DHRS7: variants seen among roughly 807,000 people sequenced by gnomAD.
DHRS7 encodes the protein dehydrogenase/reductase 7.
DHRS7 carries 34 observed loss-of-function variants against 38.9 expected under a neutral mutation model. The observed-to-expected ratio is 0.87, with a 90% CI of 0.66 to 1.16. The LOEUF (loss-of-function observed/expected upper bound fraction) is 1.16, where lower values mean the gene tolerates loss of function less well. DHRS7 is among the 50% of genes most tolerant of loss of function. The pLI is 0.00. For missense variants in DHRS7, 421 were observed against 407.0 expected (o/e 1.03, Z -0.30); for synonymous variants, 158 against 153.1 (o/e 1.03, Z -0.24).
intron 1 of DHRS7, among the ~76,000 whole-genome samples, chr14:60,160,423 A>T (rs1420748427): frequency 6.6e-6 from 1 of 151,692 alleles, no homozygotes; most frequent in African/African-American, 2.4e-5. Flanking sequence ...TTTAAAATAG[A>T]AAAGCTTAAG....
chr14:60,155,604 A>G (rs772594455), intron 2 of DHRS7, among the ~76,000 whole-genome samples: 2 of 152,210 alleles, frequency 1.3e-5, no homozygotes, highest in Non-Finnish European at 2.9e-5. Context: ...CTTATCCCAT[A>G]TGATTTTAAT....
At chr14:60,156,193 G>T in intron 1 of DHRS7, 41 bp from the exon 2 acceptor site, 1 of 1,428,756 alleles carries the variant, frequency 7.0e-7, no homozygotes. Flanking sequence ...AATAAGCAAT[G>T]AATTACGCTC....
chr14:60,167,478 G>A (rs149937461), upstream of DHRS7, among the ~76,000 whole-genome samples: 9 of 152,202 alleles, frequency 5.9e-5, no homozygotes, highest in Non-Finnish European at 1.3e-4. Context: ...TTTAGTAATG[G>A]TCACTTTTGA....
rs1896785514 is a variant in DHRS7, at chr14:60,162,617, A to G, written c.133+2560T>C. Among the ~76,000 whole-genome samples, 1 of 152,160 alleles carries G rather than the reference A, an allele frequency of 6.6e-6. No individual in the cohort carries two copies. The highest frequency in any genetic ancestry group is 2.4e-5 in the African/African-American group (1 of 41,452). On this transcript the variant is annotated intron_variant, in intron 1 of 6. Coordinates refer to ENST00000557185, the MANE Select transcript of DHRS7 (RefSeq NM_016029.4). This position sits in a 1 kb window ranked among gnomAD's most constrained non-coding sequence, Gnocchi z 4.5. ...ACAAAAAATAATAAACCTACAGAGA[A>G]GTCAAGAAGGATTTTTTTTTCTTTT...
Position 60,149,570 on chromosome 14 carries a change from T to C in DHRS7, c.757-2A>G. On this transcript the variant is annotated splice_acceptor_variant, in intron 5 of 6. Coordinates refer to ENST00000557185, the MANE Select transcript of DHRS7 (RefSeq NM_016029.4). LOFTEE classifies it high-confidence loss of function. ...CTGGTCTCCATTATTGCCTATAGTC[T>C]AAGAAAAGTTAAAAATTAAGTGAAT... 1 of 1,582,096 alleles carries C rather than the reference T, an allele frequency of 6.3e-7. No individual in the cohort carries two copies. Among genetic ancestry groups the C allele is most frequent in the South Asian group, 1.2e-5 (1 of 86,362 alleles).
intron 5 of DHRS7, 67 bp downstream of exon 5, chr14:60,149,998 A>G: frequency 6.6e-7 from 1 of 1,509,020 alleles, no homozygotes. Flanking sequence ...CAGTGATACA[A>G]CACCAATATA....
Position 60,161,955 on chromosome 14 carries a change from T to C in DHRS7, c.133+3222A>G, listed in dbSNP as rs1896772219. 6.6e-6 allele frequency among the ~76,000 whole-genome samples: 1 copy of C among 152,260 alleles called. No homozygotes were observed. The highest frequency in any genetic ancestry group is 1.5e-5 in the Non-Finnish European group (1 of 68,036). On this transcript the variant is annotated intron_variant, in intron 1 of 6. Coordinates refer to ENST00000557185, the MANE Select transcript of DHRS7 (RefSeq NM_016029.4). The surrounding 1 kb of genome is among the most constrained non-coding windows in gnomAD (Gnocchi z 4.2). ...CAGCCACTTCACAGTTGACTCCTAT[T>C]GAGGTTACTGTTAACAAAAACCTGA...
Position 60,153,860 on chromosome 14 carries a change from C to T in DHRS7, c.393+99G>A, listed in dbSNP as rs1595194991. On this transcript the variant is annotated intron_variant, in intron 3 of 6. Coordinates refer to ENST00000557185, the MANE Select transcript of DHRS7 (RefSeq NM_016029.4). This position sits in a 1 kb window ranked among gnomAD's most constrained non-coding sequence, Gnocchi z 4.4. ...ATGGGCCCGATCTCACTGCATGGAC[C>T]CCACTTGCCTAAAGCCCTTTGTATG... 2 of 1,002,530 alleles carry T rather than the reference C, an allele frequency of 2.0e-6. No homozygotes were observed. The highest frequency in any genetic ancestry group is 2.4e-5 in the East Asian group (1 of 40,914). 62.1% of individuals were successfully genotyped at this position (1,002,530 alleles called of 1,614,324 possible).
In DHRS7 at chr14:60,153,702, C is replaced by CATAAATAA. The variant is rs61442682; in HGVS notation, c.393+249_393+256dup. On this transcript the variant is annotated intron_variant, in intron 3 of 6. Coordinates refer to ENST00000557185, the MANE Select transcript of DHRS7 (RefSeq NM_016029.4). This position sits in a 1 kb window ranked among gnomAD's most constrained non-coding sequence, Gnocchi z 4.4. ...CAGAGCAAGACTTTGTCTCAAAATA[C>CATAAATAA]ATAAATAAATAAATAAAAGCAGCCG... is the stretch of plus-strand genomic sequence containing the variant. Among the ~76,000 whole-genome samples the CATAAATAA allele has an allele frequency of 0.26, 39,240 of 151,420 alleles. 6,702 individuals carry two copies. Among genetic ancestry groups the CATAAATAA allele is most frequent in the African/African-American group, 0.48 (19,675 of 41,032 alleles).
intron 2 of DHRS7, among the ~76,000 whole-genome samples, chr14:60,155,387 T>C (rs1389940451): frequency 2.0e-5 from 3 of 152,086 alleles, no homozygotes; most frequent in Non-Finnish European, 4.4e-5. Flanking sequence ...AGGCGGAAGT[T>C]GCAATGAGCC....
At position 60,153,142 on chromosome 14, in the gene DHRS7, G is replaced by A. The variant is rs776680689; in HGVS notation, c.430C>T (p.Arg144Cys). 9 of 1,613,938 alleles carry A rather than the reference G, an allele frequency of 5.6e-6. No homozygotes were observed. In the East Asian group the frequency reaches 8.9e-5, roughly 16 times the overall value. Residue 144 changes from arginine to cysteine, a missense_variant, in exon 4 of 7, where the codon CGT (arginine) becomes TGT (cysteine). Coordinates refer to ENST00000557185, the MANE Select transcript of DHRS7 (RefSeq NM_016029.4). The surrounding 1 kb of genome is among the most constrained non-coding windows in gnomAD (Gnocchi z 4.4). ...AAGCTGGTATCCATGCACAGAGAAC[G>A]CTGGGACATTCCACCATTGTTGACC... is the stretch of plus-strand genomic sequence containing the variant. ...ILVNNGGMSQ[R>C]SLCMDTSLDV...
At chr14:60,156,242 C>T in intron 1 of DHRS7, 90 bp from the exon 2 acceptor site, 1 of 1,141,578 alleles carries the variant, frequency 8.8e-7, no homozygotes. Context: ...AAGCCTTAAA[C>T]AATACCACTA....
Position 60,144,962 on chromosome 14 carries a change from C to T in DHRS7, c.*4G>A, listed in dbSNP as rs1566527561. The T allele has an allele frequency of 6.2e-7, 1 of 1,604,842 alleles. No individual in the cohort carries two copies. The highest frequency in any genetic ancestry group is 1.4e-5 in the African/African-American group (1 of 73,804). On this transcript the variant is annotated 3_prime_UTR_variant, in exon 7 of 7. Transcript: ENST00000557185. ...CAGTGGCTTGAAAAGTACAGGTGCT[C>T]TTTTCAGTCATGTTTTGTCTTAAAG... is the stretch of plus-strand genomic sequence containing the variant.
chr14:60,165,331 CG>C lies in DHRS7; in HGVS notation c.-23del. 6.4e-7 allele frequency: 1 copy of C among 1,562,696 alleles called. No individual in the cohort carries two copies. On this transcript the variant is annotated 5_prime_UTR_variant, in exon 1 of 7. Coordinates refer to ENST00000557185, the MANE Select transcript of DHRS7 (RefSeq NM_016029.4). The surrounding 1 kb of genome is among the most constrained non-coding windows in gnomAD (Gnocchi z 4.6). ...TCATTGCGGCCGCGCACGCCCAGCT[CG>C]GGGGGAAGAAGACGGCCCGCACCAG...
Position 60,162,565 on chromosome 14 carries a change from T to G in DHRS7, c.133+2612A>C, listed in dbSNP as rs922071290. 6.6e-6 allele frequency among the ~76,000 whole-genome samples: 1 copy of G among 152,140 alleles called. No individual in the cohort carries two copies. Among genetic ancestry groups the G allele is most frequent in the African/African-American group, 2.4e-5 (1 of 41,416 alleles). On this transcript the variant is annotated intron_variant, in intron 1 of 6. Transcript: ENST00000557185. The surrounding 1 kb of genome is among the most constrained non-coding windows in gnomAD (Gnocchi z 4.5). ...TCTTTTTGTATTTTTACTTTTGTATTATGTGAGTGTGCTATTTTTTTAAGT... is the reference window on the plus strand; with the variant it reads ...TCTTTTTGTATTTTTACTTTTGTATGATGTGAGTGTGCTATTTTTTTAAGT...
At chr14:60,152,599 T>G (rs414700) in intron 4 of DHRS7, 58,347 of 229,638 alleles carry the variant, frequency 0.25, 10,011 homozygotes, top group African/African-American at 0.52. Flanking sequence ...CCATGAAGAT[T>G]TAGTAGGAAT....
intron 1 of DHRS7, among the ~76,000 whole-genome samples, chr14:60,157,668 G>A (rs1360341683): frequency 2.6e-5 from 4 of 152,058 alleles, no homozygotes; most frequent in Non-Finnish European, 5.9e-5. Flanking sequence ...TTCCATTAAG[G>A]GTAGGACCCT....
Position 60,151,881 on chromosome 14 carries a change from C to A in DHRS7, c.633+1058G>T, listed in dbSNP as rs141499188. Among the ~76,000 whole-genome samples, 255 of 152,288 alleles carry A rather than the reference C, an allele frequency of 1.7e-3. 1 individual carries two copies. The highest frequency in any genetic ancestry group is 2.6e-3 in the Non-Finnish European group (175 of 68,026). On this transcript the variant is annotated intron_variant, in intron 4 of 6. Coordinates refer to ENST00000557185, the MANE Select transcript of DHRS7 (RefSeq NM_016029.4). ...ACAGCTCATCTGTGTTTACTGAAAG[C>A]ATCCAGCATATCTTATGAGACACGT...
At chr14:60,154,143 C>G (rs2297299) in intron 2 of DHRS7, 78 bp from the exon 3 acceptor site, 22 of 1,093,878 alleles carry the variant, frequency 2.0e-5, no homozygotes, top group Non-Finnish European at 3.0e-5. Flanking sequence ...TAACACCCAC[C>G]CTGCAACAGG....
Sources: allele counts gnomAD v4.1 joint callset (sites outside exome capture counted in the v4.1 genomes callset), GRCh38; gene constraint gnomAD v4.1.1; non-coding constraint Gnocchi (gnomAD v3.1); transcripts MANE v1.5; gene names NCBI Gene and HGNC (gene_info 2026-07-23, HGNC 2026-07-21).